CUL3: variants seen among roughly 807,000 people sequenced by gnomAD.
CUL3 encodes cullin 3.
CUL3 carries 19 observed loss-of-function variants against 89.1 expected under a neutral mutation model. The observed-to-expected ratio is 0.21, with a 90% confidence interval of 0.15 to 0.31. CUL3 has a LOEUF of 0.31. CUL3 is among the 10% of genes least tolerant of loss of function. The pLI, the probability that CUL3 is intolerant of heterozygous loss-of-function variation, is 1.00. For missense variants in CUL3, 469 were observed against 942.3 expected, an observed-to-expected ratio of 0.50 and a Z score of 6.58; for synonymous variants, 351 against 308.4, an observed-to-expected ratio of 1.14 and a Z score of -1.45.
chr2:224,564,631 A>C (rs1384336450), intron 1 of CUL3, among the ~76,000 whole-genome samples: 1 of 152,226 alleles, frequency 6.6e-6, no homozygotes, highest in African/African-American at 2.4e-5. Context: ...TCAAGTATCC[A>C]CTGGGGGTCT....
intron 2 of CUL3, among the ~76,000 whole-genome samples, chr2:224,554,712 T>C (rs542561591): frequency 6.6e-6 from 1 of 152,292 alleles, no homozygotes; most frequent in African/African-American, 2.4e-5. Context: ...ACACAGTAAA[T>C]GCTAAATAAA....
chr2:224,534,044 A>C (rs1693790321), intron 3 of CUL3, among the ~76,000 whole-genome samples: 2 of 152,188 alleles, frequency 1.3e-5, no homozygotes, highest in African/African-American at 4.8e-5. Flanking sequence ...TAGAAACAAA[A>C]ATATAAAAAG....
chr2:224,483,244 T>C (rs374891745), intron 13 of CUL3, among the ~76,000 whole-genome samples: 1 of 152,340 alleles, frequency 6.6e-6, no homozygotes, highest in East Asian at 1.9e-4. Context: ...AGTTATTGCT[T>C]AATCATATTC....
chr2:224,506,625 C>T (rs1263632632), intron 7 of CUL3, among the ~76,000 whole-genome samples: 2 of 152,152 alleles, frequency 1.3e-5, no homozygotes, highest in Non-Finnish European at 2.9e-5. Context: ...GCTATTTAAA[C>T]AAGGTCTTCA....
At position 224,470,848 on chromosome 2, in the gene CUL3, AT is replaced by A; in HGVS notation, c.*3396del. 4.3e-6 allele frequency: 1 copy of A among 230,152 alleles called. No individual in the cohort carries two copies. Among genetic ancestry groups the A allele is most frequent in the Middle Eastern group, 1.3e-3 (1 of 766 alleles). The allele number at this position is 230,152 out of a possible 1,614,324, so 14.3% of individuals were successfully genotyped here. A position where few individuals can be genotyped will look rare whatever the true frequency, so the allele number is the denominator to read the frequency against. On this transcript the variant is annotated 3_prime_UTR_variant, in exon 16 of 16. Transcript: ENST00000264414. Reference sequence around the variant, plus strand: ...ACTATTCATGTGAATGAGGTACAAAATAAATGAAAATTTTTTAATATGGAAA... The same window carrying A: ...ACTATTCATGTGAATGAGGTACAAAAAAATGAAAATTTTTTAATATGGAAA...
intron 10 of CUL3, among the ~76,000 whole-genome samples, chr2:224,502,662 T>G (rs1002724578): frequency 2.0e-4 from 30 of 152,218 alleles, no homozygotes; most frequent in African/African-American, 7.2e-4. Context: ...AGCCCAGTAC[T>G]CTTTCCACAA....
At position 224,514,797 on chromosome 2, in the gene CUL3, G is replaced by A. The variant is rs1342907482; in HGVS notation, c.379-25C>T. 11 of 1,532,034 alleles carry A rather than the reference G, an allele frequency of 7.2e-6. No individual in the cohort carries two copies. The East Asian group carries it at 2.3e-4, about 31-fold the overall frequency. 94.9% of individuals were successfully genotyped at this position (1,532,034 alleles called of 1,614,324 possible). ...CCTACAGTTAAAGTCATATAAATAT[G>A]AGTACAGTTCTTGTGAGCATAATAA... On this transcript the variant is annotated intron_variant, in intron 3 of 15. Coordinates refer to ENST00000264414, the MANE Select transcript of CUL3 (RefSeq NM_003590.5).
intron 1 of CUL3, among the ~76,000 whole-genome samples, chr2:224,563,650 C>T (rs567706831): frequency 2.0e-4 from 30 of 152,110 alleles, no homozygotes; most frequent in Non-Finnish European, 3.4e-4. Context: ...AAATTGCATG[C>T]CATTTTATGT....
intron 3 of CUL3, among the ~76,000 whole-genome samples, chr2:224,516,930 C>A (rs1466274382): frequency 1.3e-5 from 2 of 152,140 alleles, no homozygotes; most frequent in Non-Finnish European, 2.9e-5. Context: ...CAGGTGTGAG[C>A]CACCGCCTGT....
chr2:224,482,190 T>C, intron 13 of CUL3, 112 bp from the exon 14 acceptor site: 1 of 720,432 alleles, frequency 1.4e-6, no homozygotes, highest in South Asian at 2.1e-5. Context: ...ATTAAATAAA[T>C]AATGCACAAA....
intron 1 of CUL3, among the ~76,000 whole-genome samples, chr2:224,581,906 T>G (rs1695449414): frequency 6.6e-6 from 1 of 152,182 alleles, no homozygotes; most frequent in Admixed American, 6.5e-5. Flanking sequence ...TACAATAATT[T>G]TTAAATATGT....
At position 224,565,321 on chromosome 2, in the gene CUL3, C is replaced by T. The variant is rs114549865; in HGVS notation, c.67-7465G>A. ...GATTGTCATAAAGGTCCCCATCCTT[C>T]TGGTCTTCACATTCAGTAGGCTGAG... On this transcript the variant is annotated intron_variant, in intron 1 of 15. Transcript: ENST00000264414. Among the ~76,000 whole-genome samples the T allele has an allele frequency of 3.3e-3, 507 of 152,244 alleles. 4 individuals carry two copies. Among genetic ancestry groups the T allele is most frequent in the African/African-American group, 0.012 (485 of 41,532 alleles).
intron 11 of CUL3, 161 bp downstream of exon 11, chr2:224,500,202 T>C (rs181294146): frequency 3.3e-5 from 24 of 731,244 alleles, no homozygotes; most frequent in Admixed American, 1.3e-4. Context: ...CAAGATCCTA[T>C]AGAGGGGGAA....
Position 224,481,577 on chromosome 2 carries a change from CCACT to C in CUL3, c.2029+311_2029+314del, listed in dbSNP as rs773522631. On this transcript the variant is annotated intron_variant, in intron 14 of 15. Transcript: ENST00000264414. The stretch of plus-strand genomic sequence containing the variant: ...CTAAATCAGCTTTAAAATTAGACTT[CCACT>C]GACTATTAGTTAACAACTTAAAAAC... 6.6e-5 allele frequency among the ~76,000 whole-genome samples: 10 copies of C among 152,146 alleles called. No homozygotes were observed. The East Asian group carries it at 1.7e-3, about 26-fold the overall frequency.
At chr2:224,530,442 CA>C (rs532765768) in intron 3 of CUL3, among the ~76,000 whole-genome samples, 4 of 141,256 alleles carry the variant, frequency 2.8e-5, no homozygotes, top group South Asian at 2.2e-4. Flanking sequence ...AAAAGTCTTA[CA>C]AAAAAAAAAG....
chr2:224,545,520 T>C (rs1456401730), intron 2 of CUL3, among the ~76,000 whole-genome samples: 2 of 152,228 alleles, frequency 1.3e-5, no homozygotes, highest in Admixed American at 6.5e-5. Flanking sequence ...TCTTACTCTT[T>C]GCTTTAAGTG....
At chr2:224,482,612 T>C (rs1039417967) in intron 13 of CUL3, among the ~76,000 whole-genome samples, 4 of 152,010 alleles carry the variant, frequency 2.6e-5, no homozygotes, top group African/African-American at 9.7e-5. Flanking sequence ...TGGAATTACA[T>C]TAAACATAAA....
chr2:224,506,185 A>T (rs2106204235), intron 7 of CUL3, 53 bp from the exon 8 acceptor site: 2 of 1,224,634 alleles, frequency 1.6e-6, no homozygotes, highest in Non-Finnish European at 2.2e-6. Context: ...TTCCATAAAT[A>T]ATACACTTAT....
At chr2:224,543,224 C>T (rs923200216) in intron 2 of CUL3, among the ~76,000 whole-genome samples, 1 of 152,102 alleles carries the variant, frequency 6.6e-6, no homozygotes, top group African/African-American at 2.4e-5. Flanking sequence ...TGAGGACTTC[C>T]TTGGTAAACA....
Sources: allele counts gnomAD v4.1 joint callset (sites outside exome capture counted in the v4.1 genomes callset), GRCh38; gene constraint gnomAD v4.1.1; transcripts MANE v1.5; gene names NCBI Gene and HGNC (gene_info 2026-07-23, HGNC 2026-07-21).